ZCCHC8: variants seen among roughly 807,000 people sequenced by gnomAD.
ZCCHC8 encodes zinc finger CCHC-type containing 8.
ZCCHC8 carries 27 observed loss-of-function variants against 70.6 expected under a neutral mutation model. The observed-to-expected ratio is 0.38, with a 90% CI of 0.28 to 0.53. The LOEUF is 0.53. ZCCHC8 is among the 20% of genes least tolerant of loss of function. ZCCHC8 has a pLI of 0.81. For missense variants in ZCCHC8, 737 were observed against 876.9 expected (o/e 0.84, Z 2.01); for synonymous variants, 293 against 317.4 (o/e 0.92, Z 0.82).
intron 11 of ZCCHC8, among the ~76,000 whole-genome samples, chr12:122,479,218 G>A (rs1957481757): frequency 6.6e-6 from 1 of 152,144 alleles, no homozygotes; most frequent in African/African-American, 2.4e-5. Context: ...TGGGATTATA[G>A]GCGCCTGCCA....
intron 2 of ZCCHC8, among the ~76,000 whole-genome samples, chr12:122,493,800 G>A (rs982108797): frequency 6.6e-6 from 1 of 151,840 alleles, no homozygotes; most frequent in African/African-American, 2.4e-5. Context: ...TTTTTAATAG[G>A]GACGGGGTTT....
chr12:122,491,619 G>A (rs546276582), intron 3 of ZCCHC8, among the ~76,000 whole-genome samples: 17 of 147,094 alleles, frequency 1.2e-4, no homozygotes, highest in African/African-American at 3.0e-4. Context: ...ACCTGAGGTC[G>A]GGAGTTTGAG....
Position 122,474,159 on chromosome 12 carries a change from G to A in ZCCHC8, c.1462C>T (p.Leu488Phe). The change falls in exon 14 of 14, where the codon CTC becomes TTC. Residue 488 changes from leucine (L) to phenylalanine (F), a missense_variant. By Grantham distance (22) the Leu-to-Phe change is conservative. Transcript: ENST00000633063. The stretch of plus-strand genomic sequence containing the variant: ...GTCAGCGGCGGGGTGCCCTTTGGGA[G>A]TGGAGGGGTGAAGACGGGTGGAGGA... ...GTPPPVFTPP[L>F]PKGTPPLTPS... 1 of 1,515,576 alleles carries A rather than the reference G, an allele frequency of 6.6e-7. No homozygotes were observed. Among genetic ancestry groups the A allele is most frequent in the East Asian group, 2.3e-5 (1 of 43,220 alleles). 93.9% of individuals were successfully genotyped at this position (1,515,576 alleles called of 1,614,324 possible).
In ZCCHC8 at chr12:122,486,551, C is replaced by T. The variant is rs573508648; in HGVS notation, c.501+2835G>A. Among the ~76,000 whole-genome samples the T allele has an allele frequency of 1.4e-4, 22 of 151,936 alleles. No individual in the cohort carries two copies. The South Asian group carries it at 3.5e-3, about 24-fold the overall frequency. The stretch of plus-strand genomic sequence containing the variant: ...TTGCACAACCTACAGATTCAGACCA[C>T]GTGCTCCAGACTCCAAGGGCCTGGC... On this transcript the variant is annotated intron_variant, in intron 5 of 13. Transcript: ENST00000633063.
chr12:122,487,073 G>A (rs1957655952), intron 5 of ZCCHC8, among the ~76,000 whole-genome samples: 1 of 152,192 alleles, frequency 6.6e-6, no homozygotes, highest in Non-Finnish European at 1.5e-5. Context: ...TGCCTGGAGT[G>A]CCCCATTCAA....
In ZCCHC8 at chr12:122,473,550, A is replaced by T; in HGVS notation, c.2071T>A (p.Leu691Met). 1 of 1,614,030 alleles carries T rather than the reference A, an allele frequency of 6.2e-7. No homozygotes were observed. The highest frequency in any genetic ancestry group is 1.1e-5 in the South Asian group (1 of 91,084). ...STGMYLRIRS[L>M]LKNSPRNQQK... is the part of the protein sequence containing the mutation. Reference sequence around the variant, plus strand: ...TGGTTTCGGGGTGAGTTCTTTAACAAGCTTCTTATCCTGAGGTACATTCCA... The same window carrying T: ...TGGTTTCGGGGTGAGTTCTTTAACATGCTTCTTATCCTGAGGTACATTCCA... The change falls in exon 14 of 14, where the codon TTG (leucine) becomes ATG (methionine). Residue 691 changes from leucine (L) to methionine (M), a missense_variant. Transcript: ENST00000633063.
chr12:122,483,579 C>CA lies in ZCCHC8; in HGVS notation c.502-17dup, dbSNP rs1206632514. The CA allele has an allele frequency of 2.0e-6, 3 of 1,530,608 alleles. No homozygotes were observed. Among genetic ancestry groups the CA allele is most frequent in the Non-Finnish European group, 2.7e-6 (3 of 1,127,218 alleles). The allele number at this position is 1,530,608 out of a possible 1,614,324, so 94.8% of individuals were successfully genotyped here. A position where few individuals can be genotyped will look rare whatever the true frequency, so the allele number is the denominator to read the frequency against. ...TTCCTACAACCTGCAGAAAACAAGT[C>CA]AAAAAATATTGCTATTTAAGCAGAA... On this transcript the variant is annotated splice_polypyrimidine_tract_variant and intron_variant, in intron 5 of 13. Transcript: ENST00000633063. The surrounding 1 kb of genome is among the most constrained non-coding windows in gnomAD (Gnocchi z 4.4).
rs1404478060 is a variant in ZCCHC8 at position 122,471,783 on chromosome 12, T to C, written c.*1714A>G. The C allele has an allele frequency of 1.3e-5, 2 of 152,228 alleles. No homozygotes were observed. Among genetic ancestry groups the C allele is most frequent in the Non-Finnish European group, 2.9e-5 (2 of 68,044 alleles). 9.4% of individuals were successfully genotyped at this position (152,228 alleles called of 1,614,324 possible). A position where few individuals can be genotyped will look rare whatever the true frequency, so the allele number is the denominator to read the frequency against. The stretch of plus-strand genomic sequence containing the variant: ...TTCTGATTACTCAAGTTCTCAAAAA[T>C]GAAAGCTATATCTGGAATGTTTCTA... On this transcript the variant is annotated 3_prime_UTR_variant, in exon 14 of 14. Transcript: ENST00000633063.
Position 122,483,725 on chromosome 12 carries a change from A to T in ZCCHC8, c.502-162T>A. The T allele has an allele frequency of 1.6e-6, 1 of 631,130 alleles. No individual in the cohort carries two copies. Among genetic ancestry groups the T allele is most frequent in the East Asian group, 2.8e-5 (1 of 35,748 alleles). 39.1% of individuals were successfully genotyped at this position (631,130 alleles called of 1,614,324 possible). On this transcript the variant is annotated intron_variant, in intron 5 of 13. Transcript: ENST00000633063. The surrounding 1 kb of genome is among the most constrained non-coding windows in gnomAD (Gnocchi z 4.4). ...GAGCCAGACTTTGATGTGTAAGTAG[A>T]AACTACATCGTCAGTTCCCTCTCTC...
At chr12:122,496,332 A>G (rs1957826084) in intron 2 of ZCCHC8, among the ~76,000 whole-genome samples, 1 of 152,130 alleles carries the variant, frequency 6.6e-6, no homozygotes, top group African/African-American at 2.4e-5. Flanking sequence ...GACAATATGG[A>G]GGGCACCAAT....
At chr12:122,476,229 T>G (rs1386443991) in intron 13 of ZCCHC8, among the ~76,000 whole-genome samples, 1 of 152,262 alleles carries the variant, frequency 6.6e-6, no homozygotes, top group Non-Finnish European at 1.5e-5. Context: ...TTAAGCTTTC[T>G]GCCTCAGGGT....
chr12:122,481,571 G>A lies in ZCCHC8; in HGVS notation c.969C>T (p.Leu323=). The change falls in exon 10 of 14, where the codon CTC becomes CTT. Residue 323 remains leucine, a synonymous_variant. Coordinates refer to ENST00000633063, the MANE Select transcript of ZCCHC8 (RefSeq NM_017612.5). ...MRQLGYPPGW[L]KEAELENSGL... Reference sequence around the variant, plus strand: ...CCGAATTCTCCAATTCAGCCTCTTTGAGCCACCCTGGTGGGTACCCTAGCT... The same window carrying A: ...CCGAATTCTCCAATTCAGCCTCTTTAAGCCACCCTGGTGGGTACCCTAGCT... 1 of 1,613,660 alleles carries A rather than the reference G, an allele frequency of 6.2e-7. No homozygotes were observed. The highest frequency in any genetic ancestry group is 8.5e-7 in the Non-Finnish European group (1 of 1,179,844).
In ZCCHC8 at chr12:122,477,835, A is replaced by G. The variant is rs528684973; in HGVS notation, c.1345+6T>C. ...AGAGAAATCAGAGCCATAGGATGAA[A>G]CCTACCTGAATCGAGCTCCATGTCG... On this transcript the variant is annotated splice_donor_region_variant and intron_variant, in intron 13 of 13. Coordinates refer to ENST00000633063, the MANE Select transcript of ZCCHC8 (RefSeq NM_017612.5). The G allele has an allele frequency of 4.4e-6, 7 of 1,603,072 alleles. No homozygotes were observed. The African/African-American group carries it at 9.4e-5, about 21-fold the overall frequency.
chr12:122,499,968 C>G (rs1004497393), intron 1 of ZCCHC8: 6 of 152,030 alleles, frequency 3.9e-5, no homozygotes, highest in African/African-American at 1.4e-4. Flanking sequence ...TAAAAAAAAA[C>G]ATACTAGCAA....
At chr12:122,476,073 T>C (rs999942643) in intron 13 of ZCCHC8, among the ~76,000 whole-genome samples, 1 of 152,208 alleles carries the variant, frequency 6.6e-6, no homozygotes, top group African/African-American at 2.4e-5. Flanking sequence ...ACCATTACAG[T>C]CTGGAACTGC....
At chr12:122,474,687 G>A (rs1045188860) in intron 13 of ZCCHC8, among the ~76,000 whole-genome samples, 6 of 151,902 alleles carry the variant, frequency 3.9e-5, no homozygotes, top group Non-Finnish European at 5.9e-5. Context: ...CTAATGGGGA[G>A]GAAGTGAGGG....
At chr12:122,482,160 T>C in intron 8 of ZCCHC8, 73 bp from the exon 9 acceptor site, 3 of 1,378,642 alleles carry the variant, frequency 2.2e-6, no homozygotes, top group South Asian at 1.5e-5. Context: ...ATAAAAATAC[T>C]TTTTTTTAGA....
In ZCCHC8 at chr12:122,481,979, C is replaced by G; in HGVS notation, c.841G>C (p.Glu281Gln). 6.2e-7 allele frequency: 1 copy of G among 1,613,404 alleles called. No individual in the cohort carries two copies. The highest frequency in any genetic ancestry group is 8.5e-7 in the Non-Finnish European group (1 of 1,179,714). Residue 281 changes from glutamate (E) to glutamine (Q), a missense_variant, in exon 9 of 14, where the codon GAA (glutamate) becomes CAA (glutamine). Physicochemically the swap from Glu to Gln is conservative, Grantham distance 29 (BLOSUM62 2). Transcript: ENST00000633063. ...CCTGGCTTGAATCTTCCAAATCTTT[C>G]TTCTACTTCTTCTGCGTGGTATCGC... ...QQRYHAEEVE[E>Q]RFGRFKPGVI...
At chr12:122,480,506 T>C in intron 10 of ZCCHC8, 195 bp from the exon 11 acceptor site, 1 of 443,654 alleles carries the variant, frequency 2.3e-6, no homozygotes, top group South Asian at 3.4e-5. Context: ...AGGGTCTTGC[T>C]TTGTCACCAG....
Sources: allele counts gnomAD v4.1 joint callset (sites outside exome capture counted in the v4.1 genomes callset), GRCh38; gene constraint gnomAD v4.1.1; non-coding constraint Gnocchi (gnomAD v3.1); transcripts MANE v1.5; gene names NCBI Gene and HGNC (gene_info 2026-07-23, HGNC 2026-07-21).